The following SSH2 variants were observed in gnomAD, a reference collection of about 807,000 sequenced individuals.
SSH2 encodes protein phosphatase Slingshot homolog 2.
A neutral mutation model predicts 135.2 loss-of-function variants in SSH2; 37 were observed. That is an observed-to-expected ratio of 0.27 (90% CI 0.21 to 0.36). The LOEUF is 0.36. Among genes scored for constraint, SSH2 ranks in the 10% least tolerant of loss-of-function variants. The pLI is 1.00. For synonymous variants in SSH2, 628 were observed against 646.2 expected, an observed-to-expected ratio of 0.97 and a Z score of 0.43; for missense variants, 1,408 against 1,765.3, an observed-to-expected ratio of 0.80 and a Z score of 3.63.
chr17:29,756,670 T>A (rs1183023769), intron 3 of SSH2, among the ~76,000 whole-genome samples: 1 of 151,936 alleles, frequency 6.6e-6, no homozygotes, highest in Admixed American at 6.6e-5. Flanking sequence ...TTTGTTTTTT[T>A]TTGAGATACA....
intron 5 of SSH2, among the ~76,000 whole-genome samples, chr17:29,690,351 G>A (rs1444224010): frequency 6.7e-6 from 1 of 149,906 alleles, no homozygotes; most frequent in Non-Finnish European, 1.5e-5. Context: ...GTTGTGGTGA[G>A]CCAAGATTGC....
intron 2 of SSH2, among the ~76,000 whole-genome samples, chr17:29,802,418 G>A (rs2042265354): frequency 6.6e-6 from 1 of 152,084 alleles, no homozygotes; most frequent in African/African-American, 2.4e-5. Flanking sequence ...ACTAACTATG[G>A]TGTTGGGAAA....
chr17:29,774,595 C>T (rs547241371), intron 3 of SSH2, among the ~76,000 whole-genome samples: 1 of 152,204 alleles, frequency 6.6e-6, no homozygotes, highest in East Asian at 1.9e-4. Flanking sequence ...CTGCATACTT[C>T]GTGGAGGAAA....
chr17:29,797,734 C>CA (rs2042182194), intron 2 of SSH2, among the ~76,000 whole-genome samples: 1 of 151,898 alleles, frequency 6.6e-6, no homozygotes, highest in African/African-American at 2.4e-5. Context: ...CAGTCTCTAC[C>CA]AAAAAAATAA....
intron 8 of SSH2, 138 bp downstream of exon 8, chr17:29,676,682 T>C: frequency 3.0e-6 from 2 of 660,052 alleles, no homozygotes; most frequent in Non-Finnish European, 2.6e-6. Context: ...CATTTCTAGG[T>C]CATCTTTAAC....
In SSH2 at chr17:29,849,368, A is replaced by G. The variant is rs2065505861; in HGVS notation, c.64-439T>C. ...GTGGCCGGTGCCTGTAGTCCCAGCTACTCGGGAGGCTGAGGCAGGAGAATG... is the reference window on the plus strand; with the variant it reads ...GTGGCCGGTGCCTGTAGTCCCAGCTGCTCGGGAGGCTGAGGCAGGAGAATG... On this transcript the variant is annotated intron_variant, in intron 1 of 15. Transcript: ENST00000540801. Among the ~76,000 whole-genome samples, 3 of 151,316 alleles carry G rather than the reference A, an allele frequency of 2.0e-5. 1 individual carries two copies. Among genetic ancestry groups the G allele is most frequent in the Admixed American group, 1.3e-4 (2 of 15,112 alleles).
chr17:29,680,423 C>T (rs112132507), intron 6 of SSH2, among the ~76,000 whole-genome samples: 2,229 of 151,490 alleles, frequency 0.015, 58 homozygotes, highest in African/African-American at 0.05. Flanking sequence ...GGCAGACAGA[C>T]ACCTGTAATC....
intron 3 of SSH2, chr17:29,780,435 A>G (rs2041814117): frequency 1.5e-5 from 2 of 137,604 alleles, no homozygotes; most frequent in Middle Eastern, 3.8e-3. Context: ...GATTGTTTCA[A>G]TTTTTTTTTT....
chr17:29,741,806 G>C (rs531557201), intron 3 of SSH2, among the ~76,000 whole-genome samples: 66 of 151,944 alleles, frequency 4.3e-4, no homozygotes, highest in African/African-American at 1.5e-3. Flanking sequence ...GGTAGAGACG[G>C]GGTTTCACCA....
At chr17:29,855,153 G>A (rs549794261) in intron 1 of SSH2, among the ~76,000 whole-genome samples, 11 of 148,308 alleles carry the variant, frequency 7.4e-5, no homozygotes, top group Non-Finnish European at 1.5e-4. Context: ...TTTTTTTGTG[G>A]TTCTAAGTGA....
chr17:29,693,767 C>T (rs2038595479), intron 5 of SSH2, among the ~76,000 whole-genome samples: 1 of 151,932 alleles, frequency 6.6e-6, no homozygotes, highest in Non-Finnish European at 1.5e-5. Flanking sequence ...TTTATATATT[C>T]TAATCAAAGG....
At chr17:29,834,091 G>T (rs533108715) in intron 2 of SSH2, among the ~76,000 whole-genome samples, 1 of 151,388 alleles carries the variant, frequency 6.6e-6, no homozygotes, top group African/African-American at 2.4e-5. Flanking sequence ...CTTGTAACCC[G>T]TTATTTTAAA....
intron 3 of SSH2, chr17:29,706,945 A>C (rs1315235395): frequency 6.6e-6 from 1 of 152,206 alleles, no homozygotes; most frequent in Non-Finnish European, 1.5e-5. Flanking sequence ...CGAGGTCAGG[A>C]GATCGAGACC....
intron 2 of SSH2, among the ~76,000 whole-genome samples, chr17:29,841,125 AG>A (rs1303842274): frequency 6.6e-6 from 1 of 152,188 alleles, no homozygotes; most frequent in East Asian, 1.9e-4. Flanking sequence ...AGGAGCAAGG[AG>A]GGATTGGCAA....
intron 3 of SSH2, among the ~76,000 whole-genome samples, chr17:29,784,065 C>CAAAAA (rs71138857): frequency 0.03 from 249 of 8,228 alleles, 37 homozygotes; most frequent in African/African-American, 0.04. Context: ...GACTCCGTCT[C>CAAAAA]AAAAAAAAAA....
chr17:29,916,922 T>C (rs1237805857), intron 1 of SSH2, among the ~76,000 whole-genome samples: 2 of 151,654 alleles, frequency 1.3e-5, no homozygotes, highest in African/African-American at 2.4e-5. Flanking sequence ...GATGGAACAA[T>C]AGGAGAATCA....
At chr17:29,642,475 TG>T (rs1277593898) in intron 14 of SSH2, among the ~76,000 whole-genome samples, 1 of 152,096 alleles carries the variant, frequency 6.6e-6, no homozygotes. Flanking sequence ...AACATAAATC[TG>T]CCAGATACCT....
intron 2 of SSH2, 48 bp downstream of exon 2, chr17:29,848,801 A>G: frequency 2.4e-6 from 3 of 1,253,898 alleles, no homozygotes; most frequent in Non-Finnish European, 2.2e-6. Context: ...ACCCAATAAG[A>G]TTTTACTTGA....
At chr17:29,866,625 T>C (rs998108535) in intron 1 of SSH2, among the ~76,000 whole-genome samples, 6 of 152,176 alleles carry the variant, frequency 3.9e-5, no homozygotes, top group African/African-American at 1.4e-4. Context: ...CTTCTAGACC[T>C]AGAATATCAG....
Sources: allele counts gnomAD v4.1 joint callset (sites outside exome capture counted in the v4.1 genomes callset), GRCh38; gene constraint gnomAD v4.1.1; transcripts MANE v1.5; gene names NCBI Gene and HGNC (gene_info 2026-07-23, HGNC 2026-07-21).